Variants in TRHDE observed in about 807,000 individuals in gnomAD.
The protein encoded by TRHDE is thyrotropin releasing hormone degrading enzyme, also known as thyrotropin-releasing hormone-degrading ectoenzyme.
Under a neutral mutation model 125.7 loss-of-function variants are expected in TRHDE, and 72 were observed. That is an observed-to-expected ratio of 0.57 (90% CI 0.47 to 0.70). The LOEUF is 0.70. Ranked by LOEUF, TRHDE falls within the 30% of genes least tolerant of loss-of-function variation. The probability of loss-of-function intolerance (pLI) is 0.00; values close to 1 mark genes in which losing one functional copy is unlikely to be tolerated. For missense variants in TRHDE, 1,110 were observed against 1,327.1 expected, an observed-to-expected ratio of 0.84 and a Z score of 2.54; for synonymous variants, 509 against 509.1, an observed-to-expected ratio of 1.00 and a Z score of 0.00.
At chr12:72,557,023 T>TTAAG (rs1242171573) in intron 7 of TRHDE, among the ~76,000 whole-genome samples, 1 of 152,174 alleles carries the variant, frequency 6.6e-6, no homozygotes, top group African/African-American at 2.4e-5. Flanking sequence ...TTTTTTTCTT[T>TTAAG]TAAGTTCTCA....
intron 6 of TRHDE, among the ~76,000 whole-genome samples, chr12:72,503,320 C>A (rs1393057932): frequency 6.6e-6 from 1 of 152,118 alleles, no homozygotes; most frequent in East Asian, 1.9e-4. Context: ...CCCAGAAAAT[C>A]AGGTTCCAGA....
chr12:72,238,301 T>TACATATATAC lies in TRHDE; in HGVS notation n.279+132550_279+132551insCATATATACA, dbSNP rs1565669860. On this transcript the variant is annotated intron_variant and non_coding_transcript_variant, in intron 2 of 4. Coordinates refer to the TRHDE transcript ENST00000548156. ...ATATATATATATATATATATATATATATATATATATATATATATATACATA... is the reference window on the plus strand; with the variant it reads ...ATATATATATATATATATATATATATACATATATACATATATATATATATATATATACATA... 1.5e-3 allele frequency among the ~76,000 whole-genome samples: 49 copies of TACATATATAC among 33,704 alleles called. 4 individuals are homozygous for TACATATATAC. Among genetic ancestry groups the TACATATATAC allele is most frequent in the African/African-American group, 4.5e-3 (45 of 10,058 alleles). 22.1% of individuals were successfully genotyped at this position (33,704 alleles called of 152,430 possible).
chr12:72,210,881 ATT>A (rs1362035486), intron 2 of TRHDE, among the ~76,000 whole-genome samples: 1 of 152,088 alleles, frequency 6.6e-6, no homozygotes, highest in Non-Finnish European at 1.5e-5. Context: ...ATACTTTCTG[ATT>A]CATACACATA....
chr12:72,323,882 T>A (rs2135712989), intron 2 of TRHDE, among the ~76,000 whole-genome samples: 2 of 152,062 alleles, frequency 1.3e-5, no homozygotes, highest in East Asian at 3.9e-4. Flanking sequence ...AGAATCTGGC[T>A]GGTAGAGATG....
chr12:72,139,027 G>T (rs1223044352), intron 2 of TRHDE, among the ~76,000 whole-genome samples: 1 of 152,232 alleles, frequency 6.6e-6, no homozygotes, highest in African/African-American at 2.4e-5. Context: ...TTCAGAAAGA[G>T]AATGGATTGT....
intron 2 of TRHDE, among the ~76,000 whole-genome samples, chr12:72,191,733 G>A (rs1469144182): frequency 6.6e-6 from 1 of 152,064 alleles, no homozygotes; most frequent in Admixed American, 6.5e-5. Flanking sequence ...AGGTAAACTA[G>A]CAATAATAAA....
Position 72,238,311 on chromosome 12 carries a change from T to TATACACATA in TRHDE, n.279+132562_279+132563insCACATAATA, listed in dbSNP as rs1555170264. On this transcript the variant is annotated intron_variant and non_coding_transcript_variant, in intron 2 of 4. Coordinates refer to the TRHDE transcript ENST00000548156. ...ATATATATATATATATATATATATA[T>TATACACATA]ATATATATATACATATATATATACA... Among the ~76,000 whole-genome samples, 20 of 32,566 alleles carry TATACACATA rather than the reference T, an allele frequency of 6.1e-4. 1 individual carries two copies. The highest frequency in any genetic ancestry group is 2.3e-3 in the African/African-American group (20 of 8,850). The allele number at this position is 32,566 out of a possible 152,430, so 21.4% of individuals were successfully genotyped here.
At chr12:72,238,317 T>TATATATAC (rs1878394105) in intron 2 of TRHDE, among the ~76,000 whole-genome samples, 2 of 31,536 alleles carry the variant, frequency 6.3e-5, no homozygotes, top group Non-Finnish European at 6.9e-5. Flanking sequence ...TATATATATA[T>TATATATAC]ATATACATAT....
intron 14 of TRHDE, 147 bp from the exon 15 acceptor site, chr12:72,621,497 C>T: frequency 1.6e-6 from 1 of 632,182 alleles, no homozygotes; most frequent in Non-Finnish European, 2.7e-6. Flanking sequence ...TGTTTAACTT[C>T]CACTCTGCCT....
At chr12:72,592,093 T>C (rs1392136412) in intron 12 of TRHDE, among the ~76,000 whole-genome samples, 27 of 152,158 alleles carry the variant, frequency 1.8e-4, no homozygotes, top group Admixed American at 1.8e-3. Flanking sequence ...ATTTGCTCTT[T>C]ATGTATTTAT....
chr12:72,111,740 A>G (rs1224610594), intron 2 of TRHDE, among the ~76,000 whole-genome samples: 1 of 152,186 alleles, frequency 6.6e-6, no homozygotes, highest in Non-Finnish European at 1.5e-5. Flanking sequence ...AGCCTTACCA[A>G]AAATTATTTT....
intron 12 of TRHDE, among the ~76,000 whole-genome samples, chr12:72,597,238 A>G (rs1274423664): frequency 1.3e-5 from 2 of 152,202 alleles, no homozygotes; most frequent in Admixed American, 6.5e-5. Flanking sequence ...TTTAGGCCTC[A>G]TTGAACTGAA....
intron 2 of TRHDE, chr12:72,255,432 A>C (rs1318959036): frequency 6.6e-6 from 1 of 152,268 alleles, no homozygotes; most frequent in Non-Finnish European, 1.5e-5. Flanking sequence ...AAAACAAAAG[A>C]AGCCTGTGAT....
chr12:72,159,915 G>T (rs886359147), intron 2 of TRHDE, among the ~76,000 whole-genome samples: 8 of 150,710 alleles, frequency 5.3e-5, no homozygotes, highest in African/African-American at 2.0e-4. Context: ...TTGTCATATT[G>T]TCTCATCTTA....
At chr12:72,546,054 A>G (rs978084730) in intron 7 of TRHDE, among the ~76,000 whole-genome samples, 5 of 151,652 alleles carry the variant, frequency 3.3e-5, no homozygotes, top group African/African-American at 1.2e-4. Flanking sequence ...AGAGACAAGA[A>G]AAGCTACCAC....
At chr12:72,627,882 T>C (rs1361824726) in intron 15 of TRHDE, among the ~76,000 whole-genome samples, 1 of 151,530 alleles carries the variant, frequency 6.6e-6, no homozygotes, top group Admixed American at 6.6e-5. Flanking sequence ...TCTCACTATA[T>C]TGCCCAGGCT....
chr12:72,476,416 G>A (rs1876895444), intron 5 of TRHDE, among the ~76,000 whole-genome samples: 3 of 152,150 alleles, frequency 2.0e-5, no homozygotes, highest in Non-Finnish European at 4.4e-5. Context: ...TAAGTGCCTT[G>A]AAGGCTCTGC....
chr12:72,633,942 C>A (rs890628471), intron 15 of TRHDE, among the ~76,000 whole-genome samples: 1 of 151,958 alleles, frequency 6.6e-6, no homozygotes, highest in Admixed American at 6.6e-5. Context: ...GGTTGTTATT[C>A]CATTTCAATA....
chr12:72,615,559 C>T (rs560096543), intron 12 of TRHDE, among the ~76,000 whole-genome samples: 1 of 152,236 alleles, frequency 6.6e-6, no homozygotes, highest in African/African-American at 2.4e-5. Context: ...AACTGATCAT[C>T]CTCTTGTCCA....
Sources: gnomAD v4.1 joint callset for allele counts (sites outside exome capture counted in the v4.1 genomes callset) on GRCh38, gnomAD v4.1.1 for gene constraint, MANE v1.5 for transcripts, NCBI Gene and HGNC (gene_info 2026-07-23, HGNC 2026-07-21) for gene names.